Variants in ABLIM3 observed in about 807,000 individuals in gnomAD.
ABLIM3 encodes the protein actin-binding LIM protein 3.
Under a neutral mutation model 109.5 loss-of-function variants are expected in ABLIM3, and 61 were observed. That is an observed-to-expected ratio of 0.56 (90% CI 0.45 to 0.69). ABLIM3 has a LOEUF of 0.69. Among genes scored for constraint, ABLIM3 ranks in the 30% least tolerant of loss-of-function variants. ABLIM3 has a pLI of 0.00. For synonymous variants in ABLIM3, 300 were observed against 324.8 expected, an observed-to-expected ratio of 0.92 and a Z score of 0.82; for missense variants, 796 against 889.5, an observed-to-expected ratio of 0.89 and a Z score of 1.34.
intron 5 of ABLIM3, chr5:149,200,653 G>A (rs1758406851): frequency 1.8e-6 from 1 of 557,302 alleles, no homozygotes; most frequent in Non-Finnish European, 3.2e-6. Context: ...GTGGTAGCCA[G>A]TGCCAATATT....
chr5:149,256,802 C>T (rs1304144016), intron 23 of ABLIM3, among the ~76,000 whole-genome samples: 1 of 152,194 alleles, frequency 6.6e-6, no homozygotes, highest in Non-Finnish European at 1.5e-5. Context: ...TGGACATGGG[C>T]TTTGTCCTAT....
intron 23 of ABLIM3, among the ~76,000 whole-genome samples, chr5:149,253,796 C>T (rs7718333): frequency 0.037 from 5,588 of 152,278 alleles, 351 homozygotes; most frequent in African/African-American, 0.12. Flanking sequence ...CCCCTTACAG[C>T]CTGTTGCCAC....
intron 7 of ABLIM3, among the ~76,000 whole-genome samples, chr5:149,211,616 T>A (rs1362648205): frequency 6.6e-6 from 1 of 152,136 alleles, no homozygotes; most frequent in Non-Finnish European, 1.5e-5. Flanking sequence ...GAGGATCAGA[T>A]TGGATCAGGT....
intron 9 of ABLIM3, among the ~76,000 whole-genome samples, chr5:149,232,060 C>A (rs1975340): frequency 0.41 from 61,933 of 152,070 alleles, 13,013 homozygotes; most frequent in East Asian, 0.62. Context: ...AATCCCAACA[C>A]TTTGGGAGGC....
At chr5:149,239,711 G>T in intron 12 of ABLIM3, 48 bp from the exon 13 acceptor site, 1 of 1,534,026 alleles carries the variant, frequency 6.5e-7, no homozygotes, top group South Asian at 1.3e-5. Context: ...TCGGGCCACA[G>T]GCCCACTTAA....
At chr5:149,163,458 G>A (rs1373636881) in intron 2 of ABLIM3, among the ~76,000 whole-genome samples, 1 of 152,116 alleles carries the variant, frequency 6.6e-6, no homozygotes, top group Non-Finnish European at 1.5e-5. Flanking sequence ...TAAACAATAG[G>A]AATTTATTTT....
At chr5:149,171,846 T>C (rs1755464716) in intron 2 of ABLIM3, among the ~76,000 whole-genome samples, 1 of 144,560 alleles carries the variant, frequency 6.9e-6, no homozygotes, top group Non-Finnish European at 1.5e-5. Flanking sequence ...TGTGCCTCAA[T>C]TTCTTCATTA....
intron 2 of ABLIM3, among the ~76,000 whole-genome samples, chr5:149,160,869 A>G (rs1328085551): frequency 1.3e-5 from 2 of 152,204 alleles, no homozygotes; most frequent in Non-Finnish European, 1.5e-5. Flanking sequence ...ATTGTCCTCC[A>G]TCTCCAGGGC....
At chr5:149,162,727 A>AT (rs896462095) in intron 2 of ABLIM3, among the ~76,000 whole-genome samples, 25 of 152,038 alleles carry the variant, frequency 1.6e-4, no homozygotes, top group African/African-American at 4.3e-4. Context: ...CGTAGGCCTC[A>AT]TTTTTTTGCC....
At chr5:149,216,769 T>C (rs1760131117) in intron 7 of ABLIM3, 190 bp from the exon 8 acceptor site, 2 of 587,472 alleles carry the variant, frequency 3.4e-6, no homozygotes, top group Non-Finnish European at 6.1e-6. Context: ...CAGGGATCCA[T>C]GGAGTGAATC....
chr5:149,193,517 T>A (rs964618664), intron 3 of ABLIM3, among the ~76,000 whole-genome samples: 3 of 152,086 alleles, frequency 2.0e-5, no homozygotes, highest in Non-Finnish European at 4.4e-5. Flanking sequence ...AAGATAGAAA[T>A]ATCAAAAAGA....
At chr5:149,252,698 T>C (rs1385248546) in intron 22 of ABLIM3, 59 bp from the exon 23 acceptor site, 4 of 1,326,666 alleles carry the variant, frequency 3.0e-6, no homozygotes, top group African/African-American at 2.9e-5. Flanking sequence ...AAAATGTACC[T>C]GAAAGGAACA....
chr5:149,199,119 A>G, intron 4 of ABLIM3: 1 of 456,712 alleles, frequency 2.2e-6, no homozygotes, highest in Non-Finnish European at 4.4e-6. Flanking sequence ...TTAATTCAGC[A>G]AGTGTACGTT....
At position 149,247,834 on chromosome 5, in the gene ABLIM3, C is replaced by G. The variant is rs143754875; in HGVS notation, c.1604C>G (p.Ser535Trp). Residue 535 changes from serine to tryptophan, a missense_variant, in exon 18 of 24, where the codon TCG becomes TGG. Coordinates refer to ENST00000309868, the MANE Select transcript of ABLIM3 (RefSeq NM_014945.5). ...LILKEEMKAR[S>W]SSYADPWTPP... Reference sequence around the variant, plus strand: ...CTGAAGGAAGAAATGAAGGCCCGGTCGAGCTCCTATGCAGATCCCTGGACC... The same window carrying G: ...CTGAAGGAAGAAATGAAGGCCCGGTGGAGCTCCTATGCAGATCCCTGGACC... 8.1e-6 allele frequency: 13 copies of G among 1,614,250 alleles called. 1 individual carries two copies. The South Asian group carries it at 1.3e-4, about 16-fold the overall frequency.
chr5:149,176,894 C>T (rs1286931091), intron 2 of ABLIM3: 1 of 152,202 alleles, frequency 6.6e-6, no homozygotes, highest in Non-Finnish European at 1.5e-5. Context: ...CTCTTCCCAC[C>T]TCACCCTCTC....
chr5:149,245,136 A>C (rs974423837), intron 16 of ABLIM3, 121 bp downstream of exon 16: 3 of 1,334,980 alleles, frequency 2.2e-6, no homozygotes, highest in Admixed American at 2.3e-5. Flanking sequence ...TAGAGGGTTT[A>C]TAACTAAGGG....
chr5:149,150,909 A>C (rs1753370662), intron 2 of ABLIM3, among the ~76,000 whole-genome samples: 1 of 152,006 alleles, frequency 6.6e-6, no homozygotes, highest in Admixed American at 6.5e-5. Context: ...CAAGGAGGCA[A>C]ATAATAGTGC....
At position 149,258,336 on chromosome 5, in the gene ABLIM3, A is replaced by T. The variant is rs1282432591; in HGVS notation, c.1984A>T (p.Ile662Phe). The T allele has an allele frequency of 6.2e-7, 1 of 1,612,148 alleles. No individual in the cohort carries two copies. The highest frequency in any genetic ancestry group is 8.5e-7 in the Non-Finnish European group (1 of 1,179,642). ...EEFYQVFGMTISEFDRLALWK... is the reference protein window; with the variant it reads ...EEFYQVFGMTFSEFDRLALWK... ...GTTCTACCAAGTCTTTGGCATGACC[A>T]TCTCTGAGTTTGACCGGCTGGCCCT... is the stretch of plus-strand genomic sequence containing the variant. The change falls in exon 24 of 24, where the codon ATC (isoleucine) becomes TTC (phenylalanine). Residue 662 changes from isoleucine to phenylalanine, a missense_variant. By Grantham distance (21) the Ile-to-Phe change is conservative. Transcript: ENST00000309868.
chr5:149,228,815 A>G (rs192123049), intron 8 of ABLIM3, among the ~76,000 whole-genome samples: 293 of 152,154 alleles, frequency 1.9e-3, no homozygotes, highest in Admixed American at 4.6e-3. Flanking sequence ...GCTTTCCGGT[A>G]TGCAGAGTGC....
Sources: allele counts gnomAD v4.1 joint callset (sites outside exome capture counted in the v4.1 genomes callset), GRCh38; gene constraint gnomAD v4.1.1; transcripts MANE v1.5; gene names NCBI Gene and HGNC (gene_info 2026-07-23, HGNC 2026-07-21).